BANK1: variants seen among roughly 807,000 people sequenced by gnomAD.
BANK1 encodes the protein B-cell scaffold protein with ankyrin repeats.
In BANK1, 95 loss-of-function variants were observed where a neutral mutation model predicts 94.5. The observed-to-expected ratio is 1.00, with a 90% CI of 0.85 to 1.19. BANK1 has a LOEUF of 1.19. BANK1 is among the 50% of genes most tolerant of loss of function. The pLI is 0.00. For missense variants in BANK1, 987 were observed against 932.2 expected (o/e 1.06, Z -0.77); for synonymous variants, 334 against 308.4 (o/e 1.08, Z -0.87).
At chr4:101,936,555 T>TATAC (rs1292155647) in intron 7 of BANK1, among the ~76,000 whole-genome samples, 1 of 150,430 alleles carries the variant, frequency 6.6e-6, no homozygotes, top group African/African-American at 2.4e-5. Flanking sequence ...CACGTATACA[T>TATAC]ATATGTATAT....
chr4:101,968,267 A>G (rs1167029246), intron 7 of BANK1, among the ~76,000 whole-genome samples: 2 of 152,128 alleles, frequency 1.3e-5, no homozygotes, highest in South Asian at 4.1e-4. Flanking sequence ...ACAAATGTTA[A>G]AATAAATATA....
chr4:101,913,952 C>G (rs990664591), intron 6 of BANK1, among the ~76,000 whole-genome samples: 2 of 152,132 alleles, frequency 1.3e-5, no homozygotes, highest in Admixed American at 1.3e-4. Context: ...TTCTAGAACT[C>G]AATTTTTACA....
chr4:101,902,787 T>C (rs1343145871), intron 6 of BANK1, among the ~76,000 whole-genome samples: 1 of 152,208 alleles, frequency 6.6e-6, no homozygotes, highest in East Asian at 1.9e-4. Flanking sequence ...TGTCTAGCAT[T>C]AGATATTGCA....
In BANK1 at chr4:101,839,972, T is replaced by A. The variant is rs1299598974; in HGVS notation, c.469+9766T>A. Among the ~76,000 whole-genome samples the A allele has an allele frequency of 7.2e-3, 401 of 55,550 alleles. 17 individuals carry two copies. The highest frequency in any genetic ancestry group is 0.024 in the African/African-American group (393 of 16,718). 36.4% of individuals were successfully genotyped at this position (55,550 alleles called of 152,430 possible). On this transcript the variant is annotated intron_variant, in intron 2 of 16. Coordinates refer to ENST00000322953, the MANE Select transcript of BANK1 (RefSeq NM_017935.5). ...TTTTTTTTTTTTTTTTTTTTTTTTT[T>A]TTTTTTTTTTTTTTGAGACAGAGTC...
intron 11 of BANK1, among the ~76,000 whole-genome samples, chr4:102,053,936 T>C (rs1338078563): frequency 6.6e-6 from 1 of 151,810 alleles, no homozygotes; most frequent in East Asian, 1.9e-4. Context: ...ACTTTCAAAT[T>C]CCTTCATATA....
At chr4:101,808,198 T>A (rs1179587372) in intron 1 of BANK1, among the ~76,000 whole-genome samples, 1 of 152,174 alleles carries the variant, frequency 6.6e-6, no homozygotes, top group Non-Finnish European at 1.5e-5. Flanking sequence ...ACTTATTTAA[T>A]TCTCTTGCAA....
chr4:101,955,633 G>A (rs1724311395), intron 7 of BANK1, among the ~76,000 whole-genome samples: 1 of 152,072 alleles, frequency 6.6e-6, no homozygotes, highest in Non-Finnish European at 1.5e-5. Context: ...TTCTTGCTCA[G>A]GGGAAAATTG....
At chr4:101,919,696 G>T (rs921138883) in intron 7 of BANK1, among the ~76,000 whole-genome samples, 5 of 151,878 alleles carry the variant, frequency 3.3e-5, no homozygotes, top group Non-Finnish European at 7.4e-5. Context: ...TAGTATCTTT[G>T]TAAGCTGTTA....
chr4:101,791,405 A>G (rs1002651566), intron 1 of BANK1, among the ~76,000 whole-genome samples: 1 of 152,152 alleles, frequency 6.6e-6, no homozygotes, highest in Non-Finnish European at 1.5e-5. Context: ...CAGCCTGGTG[A>G]ATTGGTAGCC....
chr4:101,991,131 C>T (rs1248355959), intron 7 of BANK1, among the ~76,000 whole-genome samples: 1 of 152,154 alleles, frequency 6.6e-6, no homozygotes, highest in South Asian at 2.1e-4. Context: ...ATGTAACTCA[C>T]CAAACCCCAC....
Position 101,865,279 on chromosome 4 carries a change from C to T in BANK1, c.763+2615C>T, listed in dbSNP as rs186416096. Among the ~76,000 whole-genome samples, 149 of 152,206 alleles carry T rather than the reference C, an allele frequency of 9.8e-4. 2 individuals carry two copies. Among genetic ancestry groups the T allele is most frequent in the Admixed American group, 9.7e-3 (148 of 15,272 alleles). On this transcript the variant is annotated intron_variant, in intron 4 of 16. Transcript: ENST00000322953. ...GAGCAGAAGCCACTGGAGCCACAAACTAGTAGGAGCACTTAAGTGTTAATT... is the reference window on the plus strand; with the variant it reads ...GAGCAGAAGCCACTGGAGCCACAAATTAGTAGGAGCACTTAAGTGTTAATT...
chr4:101,844,962 C>T (rs1353044627), intron 2 of BANK1, among the ~76,000 whole-genome samples: 1 of 152,102 alleles, frequency 6.6e-6, no homozygotes, highest in African/African-American at 2.4e-5. Context: ...AAACTTATTT[C>T]TGTCTCAAAG....
rs535899198 is a variant in BANK1 at position 101,798,127 on chromosome 4, G to A, written c.70+7177G>A. ...CAGGCAAATTGAAGCCTGAAATTTA[G>A]CCAATGGATTTGGCATCATGAAACT... On this transcript the variant is annotated intron_variant, in intron 1 of 16. Transcript: ENST00000322953. Among the ~76,000 whole-genome samples, 31 of 152,304 alleles carry A rather than the reference G, an allele frequency of 2.0e-4. 1 individual carries two copies. In the South Asian group the frequency reaches 4.4e-3, roughly 21 times the overall value.
At chr4:102,055,215 A>G (rs1728185213) in intron 11 of BANK1, among the ~76,000 whole-genome samples, 1 of 152,066 alleles carries the variant, frequency 6.6e-6, no homozygotes, top group Non-Finnish European at 1.5e-5. Flanking sequence ...GAGAATTTTT[A>G]TATTATATGA....
intron 2 of BANK1, among the ~76,000 whole-genome samples, chr4:101,842,360 A>T (rs1727079898): frequency 6.6e-6 from 1 of 152,224 alleles, no homozygotes; most frequent in African/African-American, 2.4e-5. Context: ...AATTTCTAAC[A>T]TTCATTAATA....
At chr4:101,856,058 G>A (rs2148874774) in intron 3 of BANK1, among the ~76,000 whole-genome samples, 1 of 152,280 alleles carries the variant, frequency 6.6e-6, no homozygotes, top group East Asian at 1.9e-4. Flanking sequence ...TATGGGAGTT[G>A]CCTGAAGGAG....
chr4:101,978,913 TTA>T (rs1432443676), intron 7 of BANK1, among the ~76,000 whole-genome samples: 2 of 152,068 alleles, frequency 1.3e-5, no homozygotes, highest in Non-Finnish European at 2.9e-5. Flanking sequence ...GATACATCCT[TTA>T]AGGTTTAGCT....
chr4:101,795,305 GACA>G (rs1240826818), intron 1 of BANK1, among the ~76,000 whole-genome samples: 1 of 152,030 alleles, frequency 6.6e-6, no homozygotes, highest in Non-Finnish European at 1.5e-5. Context: ...GTCTACTCTG[GACA>G]ACAAGTCATA....
chr4:101,841,809 T>C (rs1199574433), intron 2 of BANK1, among the ~76,000 whole-genome samples: 1 of 115,758 alleles, frequency 8.6e-6, no homozygotes, highest in Non-Finnish European at 1.6e-5. Context: ...CAGAGTGCAA[T>C]GTTCCCCTTC....
Sources: allele counts gnomAD v4.1 joint callset (sites outside exome capture counted in the v4.1 genomes callset), GRCh38; gene constraint gnomAD v4.1.1; transcripts MANE v1.5; gene names NCBI Gene and HGNC (gene_info 2026-07-23, HGNC 2026-07-21).